The following ODAD2 variants were observed in gnomAD, a reference collection of about 807,000 sequenced individuals.
The protein encoded by ODAD2 is outer dynein arm docking complex subunit 2, also known as outer dynein arm-docking complex subunit 2.
ODAD2 carries 89 observed loss-of-function variants against 106.8 expected under a neutral mutation model. The ratio of observed to expected loss-of-function variants is 0.83; its 90% CI spans 0.70 to 0.99. The LOEUF (loss-of-function observed/expected upper bound fraction) is 0.99. ODAD2 is among the 50% of genes least tolerant of loss of function. The pLI is 0.00. For missense variants in ODAD2, 1,168 were observed against 1,238.5 expected (o/e 0.94, Z 0.85); for synonymous variants, 404 against 436.2 (o/e 0.93, Z 0.92).
rs764805058 is a variant in ODAD2 at position 27,940,556 on chromosome 10, T to A, written c.1986+7A>T. 4 of 1,613,094 alleles carry A rather than the reference T, an allele frequency of 2.5e-6. No homozygotes were observed. Among genetic ancestry groups the A allele is most frequent in the Non-Finnish European group, 3.4e-6 (4 of 1,179,220 alleles). Reference sequence around the variant, plus strand: ...GAAGGCAAGGGAAGCAGAACTGGCATGAGTACCTCTGATGCACACTCTTGC... The same window carrying A: ...GAAGGCAAGGGAAGCAGAACTGGCAAGAGTACCTCTGATGCACACTCTTGC... On this transcript the variant is annotated splice_region_variant and intron_variant, in intron 13 of 19. Transcript: ENST00000305242.
intron 6 of ODAD2, 134 bp downstream of exon 6, chr10:27,983,709 A>T: frequency 1.2e-6 from 1 of 852,862 alleles, no homozygotes; most frequent in Admixed American, 3.2e-5. Context: ...CAGCAAGCAT[A>T]TATCAAAGGA....
intron 17 of ODAD2, among the ~76,000 whole-genome samples, chr10:27,888,125 CA>C (rs1438915986): frequency 3.9e-5 from 6 of 152,100 alleles, no homozygotes; most frequent in African/African-American, 1.2e-4. Context: ...GATAAACATA[CA>C]AGTACATGTA....
At chr10:27,899,061 G>A (rs1212540953) in intron 17 of ODAD2, among the ~76,000 whole-genome samples, 1 of 152,078 alleles carries the variant, frequency 6.6e-6, no homozygotes, top group African/African-American at 2.4e-5. Flanking sequence ...AGCTCCCAGT[G>A]AGATCGACAC....
At chr10:27,976,616 G>T (rs1325378393) in intron 7 of ODAD2, among the ~76,000 whole-genome samples, 3 of 152,062 alleles carry the variant, frequency 2.0e-5, no homozygotes, top group Admixed American at 6.5e-5. Flanking sequence ...TAAATGGAGA[G>T]ACATACTATG....
At chr10:27,955,339 C>T (rs11815183) in intron 10 of ODAD2, among the ~76,000 whole-genome samples, 24,073 of 151,924 alleles carry the variant, frequency 0.16, 2,827 homozygotes, top group African/African-American at 0.33. Context: ...GACTCTCACT[C>T]GAATGAAGAA....
At chr10:27,853,484 T>G (rs531221842) in intron 19 of ODAD2, 1 of 170,596 alleles carries the variant, frequency 5.9e-6, no homozygotes, top group South Asian at 1.4e-4. Flanking sequence ...CTATAAAACT[T>G]TAGTATGCTA....
At chr10:27,979,018 T>G (rs1173573632) in intron 7 of ODAD2, among the ~76,000 whole-genome samples, 1 of 151,960 alleles carries the variant, frequency 6.6e-6, no homozygotes, top group Non-Finnish European at 1.5e-5. Flanking sequence ...GAGACCAGCC[T>G]AGTCAACATG....
chr10:27,860,977 C>T, intron 18 of ODAD2, 131 bp from the exon 19 acceptor site: 2 of 724,884 alleles, frequency 2.8e-6, no homozygotes, highest in Non-Finnish European at 4.6e-6. Flanking sequence ...TGGCTGACTA[C>T]CTAGGTGATG....
intron 10 of ODAD2, among the ~76,000 whole-genome samples, chr10:27,957,977 A>T (rs976243016): frequency 6.6e-6 from 1 of 152,184 alleles, no homozygotes; most frequent in Non-Finnish European, 1.5e-5. Context: ...TGTCAGGTGT[A>T]TTTATTTTGA....
chr10:27,939,299 G>T (rs890886344), intron 14 of ODAD2, among the ~76,000 whole-genome samples: 2 of 152,156 alleles, frequency 1.3e-5, no homozygotes, highest in African/African-American at 2.4e-5. Flanking sequence ...AGATGCATAA[G>T]TGTCTTCTAG....
At chr10:27,911,096 C>T (rs150267329) in intron 16 of ODAD2, among the ~76,000 whole-genome samples, 26 of 152,210 alleles carry the variant, frequency 1.7e-4, no homozygotes, top group Admixed American at 7.8e-4. Flanking sequence ...GGAACATCGC[C>T]GCCGTCCTGC....
chr10:27,950,052 C>A (rs1422708681), intron 10 of ODAD2, among the ~76,000 whole-genome samples: 4 of 152,150 alleles, frequency 2.6e-5, no homozygotes, highest in Non-Finnish European at 4.4e-5. Flanking sequence ...GTCCCTACCC[C>A]ACACAGCTTC....
intron 19 of ODAD2, among the ~76,000 whole-genome samples, chr10:27,821,504 ATTTCTTTAAACTAAGGCACTAG>A (rs1166274289): frequency 3.9e-5 from 6 of 152,208 alleles, no homozygotes; most frequent in Non-Finnish European, 8.8e-5. Flanking sequence ...TAAGGCACTA[ATTTCTTTAAACTAAGGCACTAG>A]TTTCTTTAAA....
At chr10:27,870,766 T>A (rs1217473680) in intron 17 of ODAD2, among the ~76,000 whole-genome samples, 2 of 152,222 alleles carry the variant, frequency 1.3e-5, no homozygotes, top group African/African-American at 2.4e-5. Context: ...GATGGACATT[T>A]GGGTTGGTTC....
intron 17 of ODAD2, among the ~76,000 whole-genome samples, chr10:27,883,428 T>A (rs1589913170): frequency 4.7e-5 from 7 of 149,210 alleles, no homozygotes; most frequent in East Asian, 2.0e-4. Context: ...AAGGGGAGAG[T>A]CTGACTTCTA....
At chr10:27,967,386 T>TC (rs1349587921) in intron 9 of ODAD2, among the ~76,000 whole-genome samples, 1 of 151,878 alleles carries the variant, frequency 6.6e-6, no homozygotes, top group East Asian at 1.9e-4. Context: ...AACGAAGGAC[T>TC]CCCCCGTCAC....
At chr10:27,924,614 G>GAAAAAAAAAAAAAAAAAAA (rs60226782) in intron 16 of ODAD2, among the ~76,000 whole-genome samples, 3 of 12,640 alleles carry the variant, frequency 2.4e-4, no homozygotes, top group African/African-American at 8.6e-4. Flanking sequence ...TGATTAGGAG[G>GAAAAAAAAAAAAAAAAAAA]AAAAAAAAAA....
Position 27,870,022 on chromosome 10 carries a change from A to C in ODAD2, c.2611-7400T>G, listed in dbSNP as rs904339779. ...ATATATATATATAGTTGGAAGTATA[A>C]AATTTTATAAACATGGGAGATTTCC... On this transcript the variant is annotated intron_variant, in intron 17 of 19. Coordinates refer to ENST00000305242, the MANE Select transcript of ODAD2 (RefSeq NM_018076.5). Among the ~76,000 whole-genome samples the C allele has an allele frequency of 2.0e-5, 3 of 152,120 alleles. No individual in the cohort carries two copies. The East Asian group carries it at 5.8e-4, about 29-fold the overall frequency.
chr10:27,965,557 C>T (rs1345552330), intron 9 of ODAD2, among the ~76,000 whole-genome samples: 1 of 152,170 alleles, frequency 6.6e-6, no homozygotes. Flanking sequence ...AGGACTCATT[C>T]AAGTTTGCAT....
Sources: gnomAD v4.1 joint callset for allele counts (sites outside exome capture counted in the v4.1 genomes callset) on GRCh38, gnomAD v4.1.1 for gene constraint, MANE v1.5 for transcripts, NCBI Gene and HGNC (gene_info 2026-07-23, HGNC 2026-07-21) for gene names.